Variants in AFDN observed in about 807,000 individuals in gnomAD.
The protein encoded by AFDN is afadin, adherens junction formation factor, also known as afadin.
Under a neutral mutation model 216.6 loss-of-function variants are expected in AFDN, and 68 were observed. The observed-to-expected ratio is 0.31, with a 90% CI of 0.26 to 0.38. The LOEUF is 0.38. AFDN is among the 10% of genes least tolerant of loss of function. The probability of loss-of-function intolerance (pLI) is 1.00; values close to 1 mark genes in which losing one functional copy is unlikely to be tolerated. For missense variants in AFDN, 2,136 were observed against 2,342.0 expected (o/e 0.91, Z 1.82); for synonymous variants, 868 against 853.7 (o/e 1.02, Z -0.29).
At chr6:167,863,840 T>G (rs758317239) in intron 1 of AFDN, 2 of 517,160 alleles carry the variant, frequency 3.9e-6, no homozygotes, top group Admixed American at 2.0e-5. Context: ...GTTCATTGAT[T>G]ATGGGCAAGT....
chr6:167,951,467 GCCTCCGCCA>G lies in AFDN; in HGVS notation c.4116_4124del (p.Pro1377_Pro1379del). On this transcript the variant is annotated inframe_deletion, in exon 30 of 34. Transcript: ENST00000683244. This position sits in a 1 kb window ranked among gnomAD's most constrained non-coding sequence, Gnocchi z 7.1. Reference sequence around the variant, plus strand: ...TCTCCCAGCCAATCCGAACAGACCTGCCTCCGCCACCCCCGCCACCTCCAGTCCACTATG... The same window carrying G: ...TCTCCCAGCCAATCCGAACAGACCTGCCCCCGCCACCTCCAGTCCACTATG... 6.2e-7 allele frequency: 1 copy of G among 1,614,052 alleles called. No homozygotes were observed. The highest frequency in any genetic ancestry group is 8.5e-7 in the Non-Finnish European group (1 of 1,180,044).
At chr6:167,947,759 A>G (rs73034994) in intron 27 of AFDN, 94 bp from the exon 28 acceptor site, 16,246 of 728,388 alleles carry the variant, frequency 0.022, 252 homozygotes, top group Non-Finnish European at 0.031. Flanking sequence ...CACTAGCAGT[A>G]TGAAGATGAA....
At position 167,952,023 on chromosome 6, in the gene AFDN, A is replaced by G. The variant is rs531795671; in HGVS notation, c.4669A>G (p.Ser1557Gly). ...GGAGCTCCAGAGCAAACCGGACCGC[A>G]GCGCCGAGGAGAGCGACCGGCTGCG... ...IQELQSKPDR[S>G]AEESDRLRKL... The change falls in exon 30 of 34, where the codon AGC becomes GGC. Residue 1557 changes from serine to glycine, a missense_variant. Physicochemically the swap from Ser to Gly is moderately conservative, Grantham distance 56 (BLOSUM62 0). Coordinates refer to ENST00000683244, the MANE Select transcript of AFDN (RefSeq NM_001386888.1). 1.9e-6 allele frequency: 3 copies of G among 1,614,206 alleles called. No homozygotes were observed. In the South Asian group the frequency reaches 3.3e-5, roughly 18 times the overall value.
At position 167,947,364 on chromosome 6, in the gene AFDN, A is replaced by T. The variant is rs576181103; in HGVS notation, c.3553+463A>T. On this transcript the variant is annotated intron_variant, in intron 27 of 33. Coordinates refer to ENST00000683244, the MANE Select transcript of AFDN (RefSeq NM_001386888.1). ...CCGGCTAATTTTTTGTATTTTTAGT[A>T]GAGACGGGGTTTCACCATGTTAGCC... Among the ~76,000 whole-genome samples the T allele has an allele frequency of 2.6e-5, 4 of 152,170 alleles. No individual in the cohort carries two copies. The South Asian group carries it at 8.3e-4, about 32-fold the overall frequency.
chr6:167,936,840 G>A (rs1308046157), intron 23 of AFDN, among the ~76,000 whole-genome samples: 1 of 152,206 alleles, frequency 6.6e-6, no homozygotes, highest in Non-Finnish European at 1.5e-5. Context: ...GACTGTGGTG[G>A]TTCGGGTTGA....
chr6:167,950,398 CTGTGTGTG>C lies in AFDN; in HGVS notation c.3832-770_3832-763del, dbSNP rs3839648. On this transcript the variant is annotated intron_variant, in intron 29 of 33. Transcript: ENST00000683244. ...AAAGTATACTCATTTTTCTCTGTGTCTGTGTGTGTGTGTGTGTGTGTGTGTCATTTCTC... is the reference window on the plus strand; with the variant it reads ...AAAGTATACTCATTTTTCTCTGTGTCTGTGTGTGTGTGTGTGTCATTTCTC... 8.1e-5 allele frequency among the ~76,000 whole-genome samples: 12 copies of C among 148,910 alleles called. No homozygotes were observed. In the East Asian group the frequency reaches 1.0e-3, roughly 12 times the overall value.
intron 32 of AFDN, chr6:167,966,405 T>C: frequency 1.6e-6 from 1 of 641,136 alleles, no homozygotes; most frequent in Non-Finnish European, 2.3e-6. Context: ...ATGTGATCAC[T>C]GGTCTCGGCA....
At chr6:167,920,107 G>A (rs1033594010) in intron 21 of AFDN, among the ~76,000 whole-genome samples, 12 of 152,130 alleles carry the variant, frequency 7.9e-5, no homozygotes, top group African/African-American at 2.4e-4. Context: ...CCTCAGAGAC[G>A]CAGAGAGAGG....
intron 4 of AFDN, among the ~76,000 whole-genome samples, 163 bp downstream of exon 4, chr6:167,872,540 A>G (rs1209514637): frequency 6.6e-6 from 1 of 152,160 alleles, no homozygotes; most frequent in Non-Finnish European, 1.5e-5. Flanking sequence ...GGGAGGATAG[A>G]GGGTCTTACC....
intron 1 of AFDN, among the ~76,000 whole-genome samples, chr6:167,859,348 T>C (rs1783278287): frequency 6.6e-6 from 1 of 152,186 alleles, no homozygotes. Flanking sequence ...AAGGCACAGC[T>C]GTATTTTTTT....
chr6:167,918,969 C>A, intron 21 of AFDN, 36 bp downstream of exon 21: 2 of 1,569,680 alleles, frequency 1.3e-6, no homozygotes, highest in Non-Finnish European at 8.7e-7. Flanking sequence ...TGAGCTACGC[C>A]CCAGGTTGAA....
rs1262777891 is a variant in AFDN at position 167,864,610 on chromosome 6, T to C, written c.165T>C (p.Phe55=). 1.9e-6 allele frequency: 3 copies of C among 1,614,210 alleles called. No individual in the cohort carries two copies. In the South Asian group the frequency reaches 3.3e-5, roughly 18 times the overall value. The change falls in exon 2 of 34, where the codon TTT becomes TTC. Residue 55 remains phenylalanine, a synonymous_variant. Transcript: ENST00000683244. ...FYFQDKAAGN[F]ATKCIRVSST... ...TTCAAGATAAAGCTGCTGGAAACTTTGCAACAAAATGTATTCGGGTCTCTA... is the reference window on the plus strand; with the variant it reads ...TTCAAGATAAAGCTGCTGGAAACTTCGCAACAAAATGTATTCGGGTCTCTA...
At chr6:167,826,584 A>G, upstream of AFDN, 1 of 523,008 alleles carries the variant, frequency 1.9e-6, no homozygotes, top group Non-Finnish European at 3.9e-6. Context: ...GCGCGTCCGG[A>G]CCCAACACAG....
chr6:167,901,940 A>C (rs1562639727), intron 11 of AFDN, among the ~76,000 whole-genome samples: 2 of 151,704 alleles, frequency 1.3e-5, no homozygotes, highest in South Asian at 4.2e-4. Context: ...AAAAAATACA[A>C]TAATTAGCCG....
intron 1 of AFDN, among the ~76,000 whole-genome samples, chr6:167,837,507 A>G (rs996339617): frequency 5.3e-5 from 8 of 151,990 alleles, no homozygotes; most frequent in African/African-American, 1.9e-4. Context: ...CCAGCCATGC[A>G]TCTGTCAGGA....
intron 1 of AFDN, among the ~76,000 whole-genome samples, chr6:167,831,221 G>A (rs1018798909): frequency 2.6e-5 from 4 of 152,172 alleles, no homozygotes; most frequent in Admixed American, 2.0e-4. Context: ...ACAGGCATGA[G>A]CCACTGTGCC....
In AFDN at chr6:167,857,341, T is replaced by G. The variant is rs148461545; in HGVS notation, c.106-7210T>G. Among the ~76,000 whole-genome samples the G allele has an allele frequency of 7.0e-3, 1,068 of 152,210 alleles. 16 individuals carry two copies. Among genetic ancestry groups the G allele is most frequent in the African/African-American group, 0.024 (1,015 of 41,564 alleles). ...TATATCAAGGACTTCAATAATGTTT[T>G]TCACCACGTTATTGTGTTTAAGGGC... On this transcript the variant is annotated intron_variant, in intron 1 of 33. Transcript: ENST00000683244.
At chr6:167,893,256 A>G (rs1057059067) in intron 8 of AFDN, among the ~76,000 whole-genome samples, 20 of 152,202 alleles carry the variant, frequency 1.3e-4, no homozygotes, top group Non-Finnish European at 1.5e-5. Flanking sequence ...TTAGGTTTTC[A>G]TTATTATGCA....
intron 23 of AFDN, among the ~76,000 whole-genome samples, chr6:167,931,942 C>T (rs967397426): frequency 6.6e-6 from 1 of 152,206 alleles, no homozygotes; most frequent in African/African-American, 2.4e-5. Flanking sequence ...ATGGCACCCC[C>T]TCTCAAAGCC....
Sources: allele counts gnomAD v4.1 joint callset (sites outside exome capture counted in the v4.1 genomes callset), GRCh38; gene constraint gnomAD v4.1.1; non-coding constraint Gnocchi (gnomAD v3.1); transcripts MANE v1.5; gene names NCBI Gene and HGNC (gene_info 2026-07-23, HGNC 2026-07-21).